NEGR1: variants seen among roughly 807,000 people sequenced by gnomAD.
The protein encoded by NEGR1 is IgLON family member 4.
NEGR1 carries 10 observed loss-of-function variants against 40.9 expected under a neutral mutation model. The ratio of observed to expected loss-of-function variants is 0.24; its 90% CI spans 0.15 to 0.42. The LOEUF is 0.42. Among genes scored for constraint, NEGR1 ranks in the 10% least tolerant of loss-of-function variants. The pLI, the probability that NEGR1 is intolerant of heterozygous loss-of-function variation, is 1.00. For missense variants in NEGR1, 352 were observed against 438.9 expected (o/e 0.80, Z 1.77); for synonymous variants, 185 against 166.8 (o/e 1.11, Z -0.84).
At chr1:72,222,591 C>A (rs1240170886) in intron 1 of NEGR1, among the ~76,000 whole-genome samples, 1 of 152,144 alleles carries the variant, frequency 6.6e-6, no homozygotes, top group Non-Finnish European at 1.5e-5. Flanking sequence ...GGAAACTCAG[C>A]AAGCTTCTAG....
At chr1:71,883,736 C>T (rs1458130249) in intron 2 of NEGR1, among the ~76,000 whole-genome samples, 2 of 125,524 alleles carry the variant, frequency 1.6e-5, no homozygotes, top group African/African-American at 5.9e-5. Flanking sequence ...TCCCCCCACC[C>T]CACGACAGGC....
At chr1:71,987,519 G>A (rs1322863166) in intron 1 of NEGR1, among the ~76,000 whole-genome samples, 1 of 152,186 alleles carries the variant, frequency 6.6e-6, no homozygotes, top group African/African-American at 2.4e-5. Flanking sequence ...GGCAGAAACA[G>A]AATGCAGGGC....
At chr1:71,818,386 C>G (rs1290348267) in intron 2 of NEGR1, among the ~76,000 whole-genome samples, 1 of 151,864 alleles carries the variant, frequency 6.6e-6, no homozygotes, top group Admixed American at 6.6e-5. Context: ...GTCTTTGCAA[C>G]AGCAACAAGG....
chr1:72,192,767 A>C (rs1652861843), intron 1 of NEGR1, among the ~76,000 whole-genome samples: 1 of 151,876 alleles, frequency 6.6e-6, no homozygotes, highest in South Asian at 2.1e-4. Context: ...GTTATAGTTT[A>C]TGGATTATAG....
At chr1:72,015,160 A>C (rs574390760) in intron 1 of NEGR1, among the ~76,000 whole-genome samples, 3 of 152,260 alleles carry the variant, frequency 2.0e-5, no homozygotes, top group African/African-American at 7.2e-5. Flanking sequence ...TATGTAATTT[A>C]ATATGTTAAG....
chr1:71,531,182 C>G (rs1195963255), intron 6 of NEGR1, among the ~76,000 whole-genome samples: 1 of 151,140 alleles, frequency 6.6e-6, no homozygotes, highest in East Asian at 2.0e-4. Flanking sequence ...ATACCTATTC[C>G]CAATAAAACC....
Position 72,165,489 on chromosome 1 carries a change from G to A in NEGR1, c.176+116830C>T, listed in dbSNP as rs138579688. Among the ~76,000 whole-genome samples, 433 of 152,090 alleles carry A rather than the reference G, an allele frequency of 2.8e-3. 2 individuals are homozygous for A. The highest frequency in any genetic ancestry group is 6.8e-3 in the Middle Eastern group (2 of 294). ...GATCATTAATCCAACAGCATATCCA[G>A]GGAATTCTGGAGAGGATGAAGCATT... On this transcript the variant is annotated intron_variant, in intron 1 of 6. Coordinates refer to ENST00000357731, the MANE Select transcript of NEGR1 (RefSeq NM_173808.3).
intron 6 of NEGR1, among the ~76,000 whole-genome samples, chr1:71,408,322 G>T (rs1044399455): frequency 6.6e-6 from 1 of 152,026 alleles, no homozygotes. Context: ...CCTCTAGACA[G>T]GTAGAATGAC....
chr1:72,217,861 T>C (rs1196477121), intron 1 of NEGR1, among the ~76,000 whole-genome samples: 10 of 151,814 alleles, frequency 6.6e-5, no homozygotes, highest in Non-Finnish European at 1.3e-4. Flanking sequence ...AAAGTACATA[T>C]AATAAGAAAA....
chr1:71,919,075 A>G (rs1019464670), intron 2 of NEGR1, among the ~76,000 whole-genome samples: 1 of 152,138 alleles, frequency 6.6e-6, no homozygotes, highest in South Asian at 2.1e-4. Flanking sequence ...TTGAATGAAT[A>G]CCTCCACCTC....
chr1:71,804,640 C>T (rs1326916518), intron 2 of NEGR1, among the ~76,000 whole-genome samples: 2 of 152,164 alleles, frequency 1.3e-5, no homozygotes, highest in Non-Finnish European at 1.5e-5. Context: ...TATCACTTCC[C>T]CAGTCAATAC....
chr1:72,205,549 A>C (rs1570119460), intron 1 of NEGR1, among the ~76,000 whole-genome samples: 1 of 141,464 alleles, frequency 7.1e-6, no homozygotes, highest in South Asian at 2.2e-4. Flanking sequence ...GCCTTGCTAC[A>C]TTTTTTTTTT....
chr1:72,281,627 G>A (rs1656255163), intron 1 of NEGR1, among the ~76,000 whole-genome samples: 1 of 151,942 alleles, frequency 6.6e-6, no homozygotes. Flanking sequence ...AAGGGTAAAA[G>A]AGAGGAGGAA....
chr1:71,734,809 T>C (rs1351560263), intron 3 of NEGR1, among the ~76,000 whole-genome samples: 1 of 152,160 alleles, frequency 6.6e-6, no homozygotes, highest in African/African-American at 2.4e-5. Flanking sequence ...GGCCGAGTCA[T>C]TGTCTTGCCA....
rs1052438419 is a variant in NEGR1 at position 71,396,399 on chromosome 1, A to G, written c.*11047T>C. Reference sequence around the variant, plus strand: ...TAATGAATGAATGAATGCCACATGAACATTTCAGGTTATCTGAGAAACGTT... The same window carrying G: ...TAATGAATGAATGAATGCCACATGAGCATTTCAGGTTATCTGAGAAACGTT... On this transcript the variant is annotated 3_prime_UTR_variant, in exon 7 of 7. Coordinates refer to ENST00000357731, the MANE Select transcript of NEGR1 (RefSeq NM_173808.3). The G allele has an allele frequency of 1.3e-5, 2 of 152,238 alleles. No individual in the cohort carries two copies. Among genetic ancestry groups the G allele is most frequent in the Non-Finnish European group, 2.9e-5 (2 of 68,038 alleles). The allele number at this position is 152,238 out of a possible 1,614,324, so 9.4% of individuals were successfully genotyped here.
At chr1:71,955,703 A>G (rs1336887126) in intron 1 of NEGR1, among the ~76,000 whole-genome samples, 1 of 152,174 alleles carries the variant, frequency 6.6e-6, no homozygotes, top group Non-Finnish European at 1.5e-5. Flanking sequence ...AACATTGGGA[A>G]TTATTAAAGT....
At chr1:71,700,634 A>T (rs1350647) in intron 3 of NEGR1, among the ~76,000 whole-genome samples, 141,347 of 151,950 alleles carry the variant, frequency 0.93, 66,600 homozygotes, top group East Asian at 1. Flanking sequence ...CCATAAGAAA[A>T]TACCACAACT....
intron 6 of NEGR1, among the ~76,000 whole-genome samples, chr1:71,462,824 A>G (rs533833041): frequency 6.6e-6 from 1 of 152,308 alleles, no homozygotes; most frequent in South Asian, 2.1e-4. Flanking sequence ...TGGCAAAATT[A>G]AGAAGACTTA....
chr1:72,164,507 A>G (rs576242097), intron 1 of NEGR1, among the ~76,000 whole-genome samples: 2 of 151,966 alleles, frequency 1.3e-5, no homozygotes, highest in South Asian at 4.1e-4. Context: ...ATAATATCCA[A>G]TCTTTATTTT....
Sources: gnomAD v4.1 joint callset for allele counts (sites outside exome capture counted in the v4.1 genomes callset) on GRCh38, gnomAD v4.1.1 for gene constraint, MANE v1.5 for transcripts, NCBI Gene and HGNC (gene_info 2026-07-23, HGNC 2026-07-21) for gene names.